Variants in KSR1 observed in about 807,000 individuals in gnomAD.
KSR1 encodes the protein kinase suppressor of ras 1, also known as kinase suppressor of ras.
Under a neutral mutation model 92.9 loss-of-function variants are expected in KSR1, and 35 were observed. The observed-to-expected ratio is 0.38, with a 90% confidence interval of 0.29 to 0.50. The LOEUF (loss-of-function observed/expected upper bound fraction) is 0.50. Ranked by LOEUF, KSR1 falls within the 20% of genes least tolerant of loss-of-function variation. KSR1 has a pLI of 0.94. For synonymous variants in KSR1, 467 were observed against 472.6 expected (o/e 0.99, Z 0.15); for missense variants, 972 against 1,158.5 (o/e 0.84, Z 2.34).
intron 1 of KSR1, among the ~76,000 whole-genome samples, chr17:27,513,119 C>A (rs1420081337): frequency 6.6e-6 from 1 of 152,132 alleles, no homozygotes; most frequent in Non-Finnish European, 1.5e-5. Flanking sequence ...TGTATATATT[C>A]TTTAGTGTCT....
intron 4 of KSR1, chr17:27,584,034 A>T (rs1181192717): frequency 1.1e-5 from 10 of 940,106 alleles, no homozygotes; most frequent in Non-Finnish European, 1.3e-5. Flanking sequence ...TCCCTTCTTG[A>T]TGGGCGTTAG....
intron 2 of KSR1, among the ~76,000 whole-genome samples, chr17:27,553,542 G>A (rs889190872): frequency 3.9e-5 from 6 of 152,226 alleles, no homozygotes; most frequent in African/African-American, 1.4e-4. Flanking sequence ...TGAGGCTGGA[G>A]TGGATGGGGA....
intron 1 of KSR1, among the ~76,000 whole-genome samples, chr17:27,523,398 AAAGG>A (rs918362908): frequency 3.9e-5 from 6 of 151,912 alleles, no homozygotes; most frequent in Non-Finnish European, 8.8e-5. Context: ...AAAAAAAAAA[AAAGG>A]AAAGATACCA....
intron 2 of KSR1, among the ~76,000 whole-genome samples, chr17:27,576,407 A>G (rs767707310): frequency 2.6e-5 from 4 of 152,214 alleles, no homozygotes; most frequent in Non-Finnish European, 5.9e-5. Flanking sequence ...ATAATCAACA[A>G]TAACAAAATA....
chr17:27,566,539 G>A (rs556538509), intron 2 of KSR1: 4 of 399,158 alleles, frequency 1.0e-5, no homozygotes, highest in South Asian at 1.3e-4. Flanking sequence ...AGAGAAGCCC[G>A]AGGCGTGAGC....
At chr17:27,535,784 T>G (rs1033196456) in intron 1 of KSR1, among the ~76,000 whole-genome samples, 7 of 152,236 alleles carry the variant, frequency 4.6e-5, no homozygotes, top group African/African-American at 1.4e-4. Flanking sequence ...CAGTGATCTT[T>G]TGAGGCTGAT....
In KSR1 at chr17:27,617,484, G is replaced by C. The variant is rs1293804712; in HGVS notation, c.2627+56G>C. Reference sequence around the variant, plus strand: ...AGCCAGGCCCTCGCAGCCTCACCTGGGGTCTTAGAGGGCACCTTCTGATCT... The same window carrying C: ...AGCCAGGCCCTCGCAGCCTCACCTGCGGTCTTAGAGGGCACCTTCTGATCT... On this transcript the variant is annotated intron_variant, in intron 19 of 20. Coordinates refer to ENST00000644974, the MANE Select transcript of KSR1 (RefSeq NM_001394583.1). 9.0e-6 allele frequency: 14 copies of C among 1,559,792 alleles called. No individual in the cohort carries two copies. The Middle Eastern group carries it at 6.8e-4, about 76-fold the overall frequency.
intron 1 of KSR1, chr17:27,526,385 C>T: frequency 6.7e-7 from 1 of 1,489,166 alleles, no homozygotes; most frequent in Non-Finnish European, 9.0e-7. Flanking sequence ...CCCCCAAAGT[C>T]TTAGGGTGAA....
chr17:27,604,759 G>T (rs1555607153), intron 13 of KSR1, 31 bp downstream of exon 13: 1 of 1,610,940 alleles, frequency 6.2e-7, no homozygotes, highest in South Asian at 1.1e-5. Context: ...TCCACAGATG[G>T]CCCCCCCTCT....
intron 1 of KSR1, among the ~76,000 whole-genome samples, chr17:27,463,286 G>A (rs987215893): frequency 3.9e-5 from 6 of 152,100 alleles, no homozygotes; most frequent in Non-Finnish European, 8.8e-5. Context: ...GAGGCTGGTG[G>A]ATAGCTTGAG....
At position 27,456,865 on chromosome 17, in the gene KSR1, G is replaced by A. The variant is rs761583722; in HGVS notation, c.222G>A (p.Arg74=). ...VSNDLTQQEI[R]TLEAKLVRYI... is the part of the protein sequence containing the mutation. ...ACGACCTCACCCAGCAGGAGATACG[G>A]ACCCTGGAGGTAAGTGGGTCGGGGA... The change falls in exon 1 of 21, where the codon CGG becomes CGA. Residue 74 remains arginine, a synonymous_variant. Transcript: ENST00000644974. The A allele has an allele frequency of 1.8e-5, 17 of 951,542 alleles. No homozygotes were observed. The highest frequency in any genetic ancestry group is 2.7e-5 in the Non-Finnish European group (16 of 591,100). 58.9% of individuals were successfully genotyped at this position (951,542 alleles called of 1,614,324 possible).
intron 2 of KSR1, among the ~76,000 whole-genome samples, chr17:27,563,604 A>G (rs2071925209): frequency 6.6e-6 from 1 of 152,140 alleles, no homozygotes; most frequent in African/African-American, 2.4e-5. Flanking sequence ...TACGCTTAGC[A>G]CAAAATCCAA....
intron 1 of KSR1, among the ~76,000 whole-genome samples, chr17:27,467,314 A>G (rs567813845): frequency 9.2e-5 from 14 of 152,350 alleles, no homozygotes; most frequent in African/African-American, 2.9e-4. Context: ...GGTAGCCCCA[A>G]ACCCTGGGCC....
chr17:27,539,442 T>C (rs11871008), intron 1 of KSR1, among the ~76,000 whole-genome samples: 22 of 152,240 alleles, frequency 1.4e-4, no homozygotes, highest in Non-Finnish European at 2.8e-4. Context: ...TTAGACCTGC[T>C]GTCTGTTGCT....
chr17:27,619,559 G>A (rs1339583590), intron 19 of KSR1, among the ~76,000 whole-genome samples: 1 of 151,264 alleles, frequency 6.6e-6, no homozygotes, highest in Non-Finnish European at 1.5e-5. Context: ...TACCACACCC[G>A]GCTAATTTTT....
intron 1 of KSR1, among the ~76,000 whole-genome samples, chr17:27,539,975 G>T (rs553175026): frequency 6.6e-6 from 1 of 152,242 alleles, no homozygotes; most frequent in Non-Finnish European, 1.5e-5. Context: ...ACATAAAATG[G>T]CCTAGCAGTT....
At chr17:27,555,617 C>G (rs934965426) in intron 2 of KSR1, among the ~76,000 whole-genome samples, 6 of 152,174 alleles carry the variant, frequency 3.9e-5, no homozygotes, top group African/African-American at 1.4e-4. Flanking sequence ...ACTAACCCCA[C>G]TTCTAGAATC....
At chr17:27,579,998 A>G (rs1032845572) in intron 3 of KSR1, 3 of 150,232 alleles carry the variant, frequency 2.0e-5, no homozygotes, top group African/African-American at 7.4e-5. Flanking sequence ...GGCAGATATC[A>G]CTAACCCACA....
At chr17:27,611,341 C>G (rs1466052038) in intron 17 of KSR1, 153 bp from the exon 18 acceptor site, 1 of 907,504 alleles carries the variant, frequency 1.1e-6, no homozygotes, top group Non-Finnish European at 1.6e-6. Context: ...GGAGGAGCCT[C>G]CAGGAGCCCA....
Sources: allele counts gnomAD v4.1 joint callset (sites outside exome capture counted in the v4.1 genomes callset), GRCh38; gene constraint gnomAD v4.1.1; transcripts MANE v1.5; gene names NCBI Gene and HGNC (gene_info 2026-07-23, HGNC 2026-07-21).